CAP1: variants seen among roughly 807,000 people sequenced by gnomAD.
The protein encoded by CAP1 is cyclase associated actin cytoskeleton regulatory protein 1.
In CAP1, 11 loss-of-function variants were observed where a neutral mutation model predicts 58.2. That is an observed-to-expected ratio of 0.19 (90% CI 0.12 to 0.31). The LOEUF is 0.31. Among genes scored for constraint, CAP1 ranks in the 10% least tolerant of loss-of-function variants. The pLI, the probability that CAP1 is intolerant of heterozygous loss-of-function variation, is 1.00. For missense variants in CAP1, 423 were observed against 587.5 expected, an observed-to-expected ratio of 0.72 and a Z score of 2.89; for synonymous variants, 183 against 213.8, an observed-to-expected ratio of 0.86 and a Z score of 1.26.
intron 8 of CAP1, among the ~76,000 whole-genome samples, chr1:40,068,073 C>T (rs994550264): frequency 3.3e-4 from 51 of 152,248 alleles, no homozygotes; most frequent in Admixed American, 1.9e-3. Context: ...AAGATGCATA[C>T]TGGTTACATG....
At chr1:40,052,431 G>A (rs71644619) in intron 1 of CAP1, among the ~76,000 whole-genome samples, 21,561 of 152,054 alleles carry the variant, frequency 0.14, 1,814 homozygotes, top group African/African-American at 0.24. Context: ...TTGGGAATCC[G>A]GACATTCATT....
At chr1:40,049,454 A>G (rs949390187) in intron 1 of CAP1, among the ~76,000 whole-genome samples, 2 of 151,090 alleles carry the variant, frequency 1.3e-5, no homozygotes, top group Admixed American at 6.6e-5. Flanking sequence ...CAGGTTATCT[A>G]CCCGCCTCAG....
chr1:40,056,635 A>G (rs949692609), intron 1 of CAP1, among the ~76,000 whole-genome samples: 4 of 152,144 alleles, frequency 2.6e-5, no homozygotes, highest in Non-Finnish European at 5.9e-5. Context: ...GGCCTGAGCT[A>G]GATGGATATG....
chr1:40,066,171 T>A (rs772941435), intron 6 of CAP1, 44 bp from the exon 7 acceptor site: 1 of 1,071,492 alleles, frequency 9.3e-7, no homozygotes, highest in East Asian at 2.4e-5. Flanking sequence ...ACCACTGTTA[T>A]GTACCCGGAT....
At chr1:40,063,244 C>A (rs1430536118) in intron 4 of CAP1, among the ~76,000 whole-genome samples, 1 of 151,846 alleles carries the variant, frequency 6.6e-6, no homozygotes, top group Non-Finnish European at 1.5e-5. Context: ...GTGGCAGGAT[C>A]TCGGCTCACT....
chr1:40,066,017 G>C (rs1038717805), intron 6 of CAP1, among the ~76,000 whole-genome samples, 198 bp from the exon 7 acceptor site: 2 of 152,176 alleles, frequency 1.3e-5, no homozygotes, highest in African/African-American at 2.4e-5. Flanking sequence ...CTCTATCTTA[G>C]TGGAGTTTGG....
At chr1:40,043,549 C>T (rs543521080) in intron 1 of CAP1, among the ~76,000 whole-genome samples, 54 of 152,160 alleles carry the variant, frequency 3.5e-4, no homozygotes, top group African/African-American at 1.2e-3. Flanking sequence ...TTGTGGGTGG[C>T]AGTTTGCTAA....
At chr1:40,055,719 G>A (rs1322261613) in intron 1 of CAP1, among the ~76,000 whole-genome samples, 4 of 152,042 alleles carry the variant, frequency 2.6e-5, no homozygotes, top group African/African-American at 7.3e-5. Flanking sequence ...ATGTTGCCCC[G>A]GCTAGTCTTG....
intron 10 of CAP1, 40 bp downstream of exon 10, chr1:40,070,322 A>G: frequency 6.2e-7 from 1 of 1,613,454 alleles, no homozygotes; most frequent in Non-Finnish European, 8.5e-7. Context: ...CCCGTCCCAG[A>G]GCCCGAGAAG....
intron 4 of CAP1, among the ~76,000 whole-genome samples, chr1:40,062,022 G>T (rs1290053114): frequency 6.6e-6 from 1 of 152,146 alleles, no homozygotes; most frequent in Non-Finnish European, 1.5e-5. Flanking sequence ...CTTTTTCTCT[G>T]TCATTTTGCA....
At position 40,070,178 on chromosome 1, in the gene CAP1, C is replaced by A. The variant is rs1378546360; in HGVS notation, c.1013C>A (p.Ser338Tyr). ...KWRVENQENV[S>Y]NLVIEDTELK... ...TAACAGGAAAATCAGGAAAATGTTT[C>A]CAACCTGGTGATTGAGGACACAGAG... The change falls in exon 10 of 13, where the codon TCC (serine) becomes TAC (tyrosine). Residue 338 changes from serine to tyrosine, a missense_variant. Physicochemically the swap from Ser to Tyr is moderately radical, Grantham distance 144. Transcript: ENST00000372805. The A allele has an allele frequency of 6.2e-7, 1 of 1,614,122 alleles. No individual in the cohort carries two copies. The highest frequency in any genetic ancestry group is 8.5e-7 in the Non-Finnish European group (1 of 1,180,012).
At chr1:40,040,952 C>T (rs757636271) in intron 1 of CAP1, 151 bp downstream of exon 1, 1 of 152,698 alleles carries the variant, frequency 6.5e-6, no homozygotes. Context: ...GACTCTTGGG[C>T]GCGGTCTCTT....
chr1:40,047,955 G>A (rs1646180199), intron 1 of CAP1, among the ~76,000 whole-genome samples: 2 of 152,156 alleles, frequency 1.3e-5, no homozygotes, highest in Non-Finnish European at 2.9e-5. Context: ...TCGGGTGGCA[G>A]TGACTCAGGC....
At chr1:40,066,928 A>T (rs1189524217) in intron 7 of CAP1, among the ~76,000 whole-genome samples, 1 of 152,206 alleles carries the variant, frequency 6.6e-6, no homozygotes, top group Non-Finnish European at 1.5e-5. Flanking sequence ...CTTTGGGATG[A>T]GGTATTTGAG....
chr1:40,062,774 T>TGTGTGTGTGTGTGA (rs1646908977), intron 4 of CAP1, among the ~76,000 whole-genome samples: 1 of 910 alleles, frequency 1.1e-3, no homozygotes, highest in Non-Finnish European at 0.012. Flanking sequence ...CAAAAAACAT[T>TGTGTGTGTGTGTGA]GTGTGTGTGT....
At chr1:40,064,917 G>T (rs1263460294) in intron 6 of CAP1, among the ~76,000 whole-genome samples, 1 of 152,198 alleles carries the variant, frequency 6.6e-6, no homozygotes, top group Non-Finnish European at 1.5e-5. Context: ...ACTTGCTGGA[G>T]TAGCACTTTG....
At chr1:40,059,226 G>T in intron 1 of CAP1, 111 bp from the exon 2 acceptor site, 2 of 618,442 alleles carry the variant, frequency 3.2e-6, no homozygotes, top group South Asian at 2.0e-5. Flanking sequence ...CTGTTCCTGA[G>T]AATTGGCATC....
intron 3 of CAP1, among the ~76,000 whole-genome samples, chr1:40,060,778 C>A (rs1308864564): frequency 6.7e-6 from 1 of 149,820 alleles, no homozygotes; most frequent in Admixed American, 6.7e-5. Flanking sequence ...TTGGGAACTT[C>A]TTCACCTAAA....
At position 40,071,639 on chromosome 1, in the gene CAP1, T is replaced by G. The variant is rs1249028492; in HGVS notation, c.*106T>G. The G allele has an allele frequency of 2.7e-5, 20 of 727,574 alleles. No homozygotes were observed. In the Middle Eastern group the frequency reaches 1.2e-3, roughly 42 times the overall value. 45.1% of individuals were successfully genotyped at this position (727,574 alleles called of 1,614,324 possible). A position where few individuals can be genotyped will look rare whatever the true frequency, so the allele number is the denominator to read the frequency against. ...TCTACCTTTTTGCTCTTAAAACTGC[T>G]TCTCTGCTCTGAGAAGCACAGCTAC... On this transcript the variant is annotated 3_prime_UTR_variant, in exon 13 of 13. Coordinates refer to ENST00000372805, the MANE Select transcript of CAP1 (RefSeq NM_006367.4).
Sources: allele counts gnomAD v4.1 joint callset (sites outside exome capture counted in the v4.1 genomes callset), GRCh38; gene constraint gnomAD v4.1.1; transcripts MANE v1.5; gene names NCBI Gene and HGNC (gene_info 2026-07-23, HGNC 2026-07-21).